The following THSD7B variants were observed in gnomAD, a reference collection of about 807,000 sequenced individuals.
THSD7B encodes the protein thrombospondin type 1 domain containing 7B, also known as thrombospondin type-1 domain-containing protein 7B.
Under a neutral mutation model 213.6 loss-of-function variants are expected in THSD7B, and 138 were observed. That is an observed-to-expected ratio of 0.65 (90% CI 0.56 to 0.74). The LOEUF is 0.74. Among genes scored for constraint, THSD7B ranks in the 30% least tolerant of loss-of-function variants. The pLI, the probability that THSD7B is intolerant of heterozygous loss-of-function variation, is 0.00. For synonymous variants in THSD7B, 742 were observed against 687.0 expected (o/e 1.08, Z -1.25); for missense variants, 1,931 against 1,991.5 (o/e 0.97, Z 0.58).
chr2:137,314,502 C>T (rs1684028922), intron 12 of THSD7B, among the ~76,000 whole-genome samples: 2 of 152,252 alleles, frequency 1.3e-5, no homozygotes, highest in South Asian at 2.1e-4. Flanking sequence ...CTTCTTCTCT[C>T]ACCTCGTCAA....
chr2:137,100,413 G>A (rs974827699), intron 4 of THSD7B, among the ~76,000 whole-genome samples: 8 of 151,170 alleles, frequency 5.3e-5, no homozygotes, highest in Non-Finnish European at 8.9e-5. Context: ...TGCTGCAAAA[G>A]TAATTGCAGT....
At chr2:136,940,542 C>T (rs1285828259) in intron 2 of THSD7B, among the ~76,000 whole-genome samples, 1 of 151,486 alleles carries the variant, frequency 6.6e-6, no homozygotes, top group African/African-American at 2.4e-5. Flanking sequence ...TAGATATGCA[C>T]AACCACATCC....
intron 7 of THSD7B, among the ~76,000 whole-genome samples, chr2:137,180,180 C>G (rs1680428931): frequency 6.6e-6 from 1 of 152,152 alleles, no homozygotes; most frequent in Non-Finnish European, 1.5e-5. Context: ...AAAGGCATTA[C>G]TGTGTACAGT....
At chr2:136,807,052 T>C (rs1232825343) in intron 1 of THSD7B, among the ~76,000 whole-genome samples, 2 of 152,222 alleles carry the variant, frequency 1.3e-5, no homozygotes, top group Non-Finnish European at 2.9e-5. Flanking sequence ...TCAGTTTGAG[T>C]CATCACTATT....
At chr2:137,596,406 T>G (rs930653245) in intron 17 of THSD7B, among the ~76,000 whole-genome samples, 3 of 152,098 alleles carry the variant, frequency 2.0e-5, no homozygotes, top group African/African-American at 7.2e-5. Context: ...AAATGTTTAA[T>G]TATTCTTTAT....
intron 2 of THSD7B, among the ~76,000 whole-genome samples, chr2:136,941,740 A>C (rs150082978): frequency 0.016 from 2,484 of 152,038 alleles, 35 homozygotes; most frequent in Middle Eastern, 0.02. Flanking sequence ...TAGATTCTGG[A>C]TATTAGCCCT....
At chr2:137,367,012 A>G (rs1331824040) in intron 12 of THSD7B, among the ~76,000 whole-genome samples, 1 of 152,132 alleles carries the variant, frequency 6.6e-6, no homozygotes, top group Non-Finnish European at 1.5e-5. Flanking sequence ...CTTCAAGGTT[A>G]ATATGTACTC....
intron 5 of THSD7B, among the ~76,000 whole-genome samples, chr2:137,119,953 T>C (rs1688518500): frequency 6.6e-6 from 1 of 152,144 alleles, no homozygotes; most frequent in African/African-American, 2.4e-5. Flanking sequence ...CACCTGTCTT[T>C]AGAAATTGGT....
intron 5 of THSD7B, among the ~76,000 whole-genome samples, chr2:137,126,963 T>A (rs770187863): frequency 7.9e-5 from 12 of 152,164 alleles, no homozygotes; most frequent in Non-Finnish European, 1.5e-4. Flanking sequence ...CAACATTTAT[T>A]GATTAAGTTC....
chr2:137,375,491 T>C (rs1253316204), intron 12 of THSD7B, among the ~76,000 whole-genome samples: 1 of 152,228 alleles, frequency 6.6e-6, no homozygotes, highest in African/African-American at 2.4e-5. Flanking sequence ...GTTTCTCGCA[T>C]GCAACTTTTC....
chr2:137,413,151 C>CT (rs1686710018), intron 14 of THSD7B, among the ~76,000 whole-genome samples: 1 of 152,036 alleles, frequency 6.6e-6, no homozygotes, highest in Non-Finnish European at 1.5e-5. Flanking sequence ...ACTCTCATTG[C>CT]TTTATATAGG....
chr2:137,455,533 G>T (rs568970297), intron 15 of THSD7B, among the ~76,000 whole-genome samples: 1 of 152,220 alleles, frequency 6.6e-6, no homozygotes, highest in Admixed American at 6.5e-5. Flanking sequence ...TTTCATAAAA[G>T]CCTCCTTTTT....
intron 17 of THSD7B, among the ~76,000 whole-genome samples, chr2:137,592,742 T>A (rs567069601): frequency 5.9e-5 from 9 of 152,074 alleles, no homozygotes; most frequent in African/African-American, 2.2e-4. Context: ...AATGCATAGA[T>A]CTCAAGGGTA....
intron 15 of THSD7B, among the ~76,000 whole-genome samples, chr2:137,471,670 A>G (rs1297768072): frequency 1.3e-5 from 2 of 152,094 alleles, no homozygotes; most frequent in Non-Finnish European, 2.9e-5. Context: ...AGAGGCTCAC[A>G]CAAGTCATCG....
intron 17 of THSD7B, among the ~76,000 whole-genome samples, chr2:137,575,252 A>C (rs1681434356): frequency 6.6e-6 from 1 of 152,076 alleles, no homozygotes; most frequent in African/African-American, 2.4e-5. Flanking sequence ...CTAACACAGA[A>C]TTGTGATGAA....
At chr2:137,121,197 A>G (rs1027324126) in intron 5 of THSD7B, among the ~76,000 whole-genome samples, 2 of 152,188 alleles carry the variant, frequency 1.3e-5, no homozygotes, top group African/African-American at 4.8e-5. Flanking sequence ...TGTTCTTGTT[A>G]TTAAAAATTT....
intron 2 of THSD7B, among the ~76,000 whole-genome samples, chr2:137,005,243 C>T (rs1347752815): frequency 6.6e-6 from 1 of 152,148 alleles, no homozygotes; most frequent in African/African-American, 2.4e-5. Flanking sequence ...CTTGAGCCAC[C>T]AAATGTTTAT....
rs778103368 is a variant in THSD7B, at chr2:137,057,128, G to A, written c.848G>A (p.Ser283Asn). The A allele has an allele frequency of 6.8e-6, 11 of 1,613,794 alleles. No individual in the cohort carries two copies. In the African/African-American group the frequency reaches 1.3e-4, roughly 20 times the overall value. ...SNERVTFKHQSYKAHHHSKSW... is the reference protein window; with the variant it reads ...SNERVTFKHQNYKAHHHSKSW... ...GAGCGAGTCACCTTTAAACATCAAA[G>A]TTACAAAGCACATCATCATTCGAAG... Residue 283 changes from serine (S) to asparagine (N), a missense_variant, in exon 3 of 28, where the codon AGT becomes AAT. Coordinates refer to ENST00000409968, the MANE Select transcript of THSD7B (RefSeq NM_001316349.2).
At chr2:137,210,185 A>G (rs1232425632) in intron 7 of THSD7B, among the ~76,000 whole-genome samples, 1 of 152,202 alleles carries the variant, frequency 6.6e-6, no homozygotes, top group East Asian at 1.9e-4. Flanking sequence ...AGTCCAAGAA[A>G]ATTAACACAG....
Sources: gnomAD v4.1 joint callset for allele counts (sites outside exome capture counted in the v4.1 genomes callset) on GRCh38, gnomAD v4.1.1 for gene constraint, MANE v1.5 for transcripts, NCBI Gene and HGNC (gene_info 2026-07-23, HGNC 2026-07-21) for gene names.